The following ARHGAP42 variants were observed in gnomAD, a reference collection of about 807,000 sequenced individuals.
ARHGAP42 encodes the protein Rho GTPase activating protein 42, also known as rho GTPase-activating protein 42.
In ARHGAP42, 63 loss-of-function variants were observed where a neutral mutation model predicts 125.0. The ratio of observed to expected loss-of-function variants is 0.50; its 90% CI spans 0.41 to 0.62. The LOEUF is 0.62. ARHGAP42 is among the 20% of genes least tolerant of loss of function. The pLI, the probability that ARHGAP42 is intolerant of heterozygous loss-of-function variation, is 0.00. For synonymous variants in ARHGAP42, 339 were observed against 351.0 expected, an observed-to-expected ratio of 0.97 and a Z score of 0.38; for missense variants, 766 against 1,024.2, an observed-to-expected ratio of 0.75 and a Z score of 3.44.
intron 6 of ARHGAP42, 90 bp downstream of exon 6, chr11:100,921,694 T>A: frequency 1.3e-6 from 1 of 788,650 alleles, no homozygotes; most frequent in Non-Finnish European, 1.9e-6. Flanking sequence ...TAATTTTTCT[T>A]GAAAATTATG....
intron 17 of ARHGAP42, among the ~76,000 whole-genome samples, chr11:100,970,591 A>C (rs1274436052): frequency 6.6e-6 from 1 of 152,018 alleles, no homozygotes; most frequent in African/African-American, 2.4e-5. Context: ...CTTAAAAAAA[A>C]AACAAACAGT....
At chr11:100,974,786 A>AC (rs1858346039) in intron 19 of ARHGAP42, among the ~76,000 whole-genome samples, 183 bp downstream of exon 19, 1 of 152,030 alleles carries the variant, frequency 6.6e-6, no homozygotes, top group Non-Finnish European at 1.5e-5. Flanking sequence ...AAGCAAATTC[A>AC]TTATTGATAC....
intron 4 of ARHGAP42, among the ~76,000 whole-genome samples, chr11:100,870,347 T>C (rs1379901529): frequency 6.6e-6 from 1 of 152,206 alleles, no homozygotes; most frequent in East Asian, 1.9e-4. Context: ...CTTCTCTGCA[T>C]AACAAGGTGG....
chr11:100,982,993 A>G (rs1231987612), intron 22 of ARHGAP42, among the ~76,000 whole-genome samples: 1 of 152,234 alleles, frequency 6.6e-6, no homozygotes, highest in Non-Finnish European at 1.5e-5. Context: ...CCTTTAGAAA[A>G]TGTGAAAATT....
rs139139671 is a variant in ARHGAP42, at chr11:100,692,591, C to T, written c.154+4759C>T. On this transcript the variant is annotated intron_variant, in intron 1 of 23. Coordinates refer to ENST00000298815, the MANE Select transcript of ARHGAP42 (RefSeq NM_152432.4). ...TCAGAAGCTTTATTTGTTTATTACT[C>T]GGTCATGTTGCCTTTGTTCTGGTAG... is the stretch of plus-strand genomic sequence containing the variant. Among the ~76,000 whole-genome samples, 16 of 152,222 alleles carry T rather than the reference C, an allele frequency of 1.1e-4. 1 individual carries two copies. The highest frequency in any genetic ancestry group is 7.9e-4 in the Admixed American group (12 of 15,268).
In ARHGAP42 at chr11:100,974,558, A is replaced by G; in HGVS notation, c.1810A>G (p.Arg604Gly). 6.4e-7 allele frequency: 1 copy of G among 1,551,178 alleles called. No individual in the cohort carries two copies. Among genetic ancestry groups the G allele is most frequent in the Admixed American group, 2.0e-5 (1 of 50,988 alleles). The part of the protein sequence containing the change: ...TRAICLSTGS[R>G]KPRGRYTPCL... ...AGCAATCTGCCTCTCTACAGGGTCT[A>G]GGAAGCCCAGAGGGAGGTATACTCC... Residue 604 changes from arginine (R) to glycine (G), a missense_variant, in exon 19 of 24, where the codon AGG (arginine) becomes GGG (glycine). Coordinates refer to ENST00000298815, the MANE Select transcript of ARHGAP42 (RefSeq NM_152432.4).
intron 3 of ARHGAP42, among the ~76,000 whole-genome samples, chr11:100,827,622 G>A (rs1044788631): frequency 6.6e-6 from 1 of 152,218 alleles, no homozygotes; most frequent in African/African-American, 2.4e-5. Flanking sequence ...ATACCATGGG[G>A]TATAGAAGCT....
At chr11:100,846,378 T>G (rs1223484484) in intron 3 of ARHGAP42, among the ~76,000 whole-genome samples, 3 of 152,132 alleles carry the variant, frequency 2.0e-5, no homozygotes, top group Middle Eastern at 3.2e-3. Context: ...GAAACTGATA[T>G]ATGAATAGGA....
rs192814916 is a variant in ARHGAP42 at position 100,800,840 on chromosome 11, C to T, written c.312+5674C>T. 9.8e-4 allele frequency among the ~76,000 whole-genome samples: 149 copies of T among 152,184 alleles called. 1 individual carries two copies. The highest frequency in any genetic ancestry group is 3.4e-3 in the African/African-American group (142 of 41,528). On this transcript the variant is annotated intron_variant, in intron 3 of 23. Transcript: ENST00000298815. ...TTCCACAGATTATATACAAAATAAG[C>T]GCTGATCACACAAATCTAAACATTG...
chr11:100,971,552 T>TAAAAAG (rs954699800), intron 17 of ARHGAP42, among the ~76,000 whole-genome samples: 4 of 152,076 alleles, frequency 2.6e-5, no homozygotes, highest in Non-Finnish European at 4.4e-5. Context: ...GAAAATTCAA[T>TAAAAAG]AAAAAGAAAA....
At chr11:100,969,527 GATCT>G (rs932463582) in intron 17 of ARHGAP42, among the ~76,000 whole-genome samples, 33 of 151,938 alleles carry the variant, frequency 2.2e-4, no homozygotes, top group African/African-American at 7.7e-4. Context: ...TTTTTCTGAT[GATCT>G]ATCTTTCTTT....
At chr11:100,826,509 G>A (rs1214638817) in intron 3 of ARHGAP42, among the ~76,000 whole-genome samples, 1 of 152,070 alleles carries the variant, frequency 6.6e-6, no homozygotes, top group Non-Finnish European at 1.5e-5. Context: ...GGTAATTTGT[G>A]TTCTTCTCTC....
In ARHGAP42 at chr11:100,771,009, A is replaced by G. The variant is rs1862964836; in HGVS notation, c.250+571A>G. Among the ~76,000 whole-genome samples the G allele has an allele frequency of 3.3e-5, 5 of 152,264 alleles. No individual in the cohort carries two copies. In the South Asian group the frequency reaches 1.0e-3, roughly 31 times the overall value. Reference sequence around the variant, plus strand: ...CTTTGAATTATTCGTTCAAACAAATATATATTAGGTATCTACTATTAAATA... The same window carrying G: ...CTTTGAATTATTCGTTCAAACAAATGTATATTAGGTATCTACTATTAAATA... On this transcript the variant is annotated intron_variant, in intron 2 of 23. Coordinates refer to ENST00000298815, the MANE Select transcript of ARHGAP42 (RefSeq NM_152432.4).
chr11:100,975,891 T>C (rs1460723158), intron 19 of ARHGAP42, among the ~76,000 whole-genome samples, 166 bp from the exon 20 acceptor site: 1 of 152,116 alleles, frequency 6.6e-6, no homozygotes, highest in Non-Finnish European at 1.5e-5. Flanking sequence ...TTAAAGCCTT[T>C]CTCCAGTACT....
rs574568836 is a variant in ARHGAP42 at position 100,687,604 on chromosome 11, C to T, written c.-75C>T. On this transcript the variant is annotated 5_prime_UTR_variant, in exon 1 of 24. Transcript: ENST00000298815. ...CGCGATCGCGCGACCCCAGCGCCCG[C>T]CGCGGCCGCCGGCTGCCCCCGCCCT... 1.4e-3 allele frequency: 1,666 copies of T among 1,162,572 alleles called. 20 individuals carry two copies. The African/African-American group carries it at 0.024, about 17-fold the overall frequency. 72.0% of individuals were successfully genotyped at this position (1,162,572 alleles called of 1,614,324 possible). A position where few individuals can be genotyped will look rare whatever the true frequency, so the allele number is the denominator to read the frequency against.
intron 15 of ARHGAP42, 21 bp from the exon 16 acceptor site, chr11:100,962,388 T>TG: frequency 6.5e-7 from 1 of 1,545,852 alleles, no homozygotes; most frequent in Non-Finnish European, 8.8e-7. Context: ...TTCTAACATG[T>TG]GTTTCCTTTC....
chr11:100,952,290 A>G (rs1408008248), intron 12 of ARHGAP42, among the ~76,000 whole-genome samples: 1 of 152,138 alleles, frequency 6.6e-6, no homozygotes, highest in Non-Finnish European at 1.5e-5. Flanking sequence ...AACTGATGAC[A>G]AAATAGTGAA....
intron 1 of ARHGAP42, among the ~76,000 whole-genome samples, chr11:100,731,985 G>A (rs1241182205): frequency 3.4e-5 from 5 of 145,254 alleles, no homozygotes; most frequent in East Asian, 2.0e-4. Flanking sequence ...ATGGAGTTTC[G>A]CTCTTGTTGC....
intron 12 of ARHGAP42, among the ~76,000 whole-genome samples, chr11:100,952,341 AT>A (rs922937885): frequency 2.9e-4 from 44 of 152,148 alleles, no homozygotes; most frequent in African/African-American, 1.0e-3. Context: ...CTGATTTGTG[AT>A]CCTGACAAAT....
Sources: gnomAD v4.1 joint callset for allele counts (sites outside exome capture counted in the v4.1 genomes callset) on GRCh38, gnomAD v4.1.1 for gene constraint, MANE v1.5 for transcripts, NCBI Gene and HGNC (gene_info 2026-07-23, HGNC 2026-07-21) for gene names.